RNF180: variants seen among roughly 807,000 people sequenced by gnomAD.
RNF180 encodes the protein E3 ubiquitin-protein ligase RNF180.
Under a neutral mutation model 59.2 loss-of-function variants are expected in RNF180, and 38 were observed. That is an observed-to-expected ratio of 0.64 (90% confidence interval 0.50 to 0.84). RNF180 has a LOEUF of 0.84. RNF180 is among the 40% of genes least tolerant of loss of function. The pLI is 0.00. For missense variants in RNF180, 705 were observed against 700.9 expected, an observed-to-expected ratio of 1.01 and a Z score of -0.07; for synonymous variants, 262 against 240.3, an observed-to-expected ratio of 1.09 and a Z score of -0.84.
At chr5:64,241,344 G>T (rs898055605) in intron 5 of RNF180, among the ~76,000 whole-genome samples, 3 of 152,170 alleles carry the variant, frequency 2.0e-5, no homozygotes, top group African/African-American at 7.2e-5. Context: ...GACATCTGCT[G>T]GGGTCTTCTG....
chr5:64,295,501 A>G (rs1028365177), intron 5 of RNF180, among the ~76,000 whole-genome samples: 1 of 152,168 alleles, frequency 6.6e-6, no homozygotes, highest in Non-Finnish European at 1.5e-5. Flanking sequence ...ATAAGGTTGG[A>G]ACATAATCGT....
In RNF180 at chr5:64,188,729, G is replaced by A. The variant is rs527920548; in HGVS notation, c.1-12079G>A. ...ATATTTGGTGGGTTTTCTTTGTGCC[G>A]TGACTTTATTCTATGCAGGAAGTAT... On this transcript the variant is annotated intron_variant, in intron 1 of 7. Coordinates refer to ENST00000389100, the MANE Select transcript of RNF180 (RefSeq NM_001113561.2). Among the ~76,000 whole-genome samples the A allele has an allele frequency of 9.9e-5, 15 of 152,102 alleles. No individual in the cohort carries two copies. In the East Asian group the frequency reaches 1.6e-3, roughly 16 times the overall value.
intron 5 of RNF180, among the ~76,000 whole-genome samples, chr5:64,277,949 A>G (rs1741815722): frequency 6.6e-6 from 1 of 152,186 alleles, no homozygotes; most frequent in Non-Finnish European, 1.5e-5. Flanking sequence ...ATTTTTATAA[A>G]GAAGAAGAGG....
intron 5 of RNF180, among the ~76,000 whole-genome samples, chr5:64,237,881 G>A (rs770194250): frequency 1.7e-4 from 26 of 151,986 alleles, no homozygotes; most frequent in Non-Finnish European, 3.4e-4. Flanking sequence ...CTGCTGCCAT[G>A]TACAATGTAC....
At chr5:64,263,371 C>T (rs1252585802) in intron 5 of RNF180, among the ~76,000 whole-genome samples, 1 of 152,254 alleles carries the variant, frequency 6.6e-6, no homozygotes, top group Non-Finnish European at 1.5e-5. Flanking sequence ...AATATGAAAT[C>T]ACTGAATGAA....
chr5:64,272,894 G>A (rs1030509350), intron 5 of RNF180, among the ~76,000 whole-genome samples: 3 of 151,882 alleles, frequency 2.0e-5, no homozygotes, highest in Non-Finnish European at 4.4e-5. Context: ...TTGAATTGAG[G>A]TGCCTTTAAG....
At chr5:64,321,101 C>G (rs2112509598) in intron 5 of RNF180, among the ~76,000 whole-genome samples, 1 of 151,978 alleles carries the variant, frequency 6.6e-6, no homozygotes, top group African/African-American at 2.4e-5. Context: ...ATTTGAAAAC[C>G]AGCACAAGAC....
chr5:64,307,343 T>G (rs1486420415), intron 5 of RNF180, among the ~76,000 whole-genome samples: 2 of 151,500 alleles, frequency 1.3e-5, no homozygotes, highest in Non-Finnish European at 3.0e-5. Context: ...CATTTAAAAA[T>G]TAGTGTTAAT....
intron 7 of RNF180, among the ~76,000 whole-genome samples, chr5:64,340,583 T>G (rs1426174022): frequency 6.6e-6 from 1 of 152,174 alleles, no homozygotes; most frequent in Non-Finnish European, 1.5e-5. Flanking sequence ...TGGAGGTAAG[T>G]CAGAGAAAAT....
intron 5 of RNF180, among the ~76,000 whole-genome samples, chr5:64,254,000 T>C (rs1386292798): frequency 1.3e-5 from 2 of 152,148 alleles, no homozygotes; most frequent in African/African-American, 4.8e-5. Flanking sequence ...GTGGACCCTC[T>C]CTTCTCTAAC....
At chr5:64,213,504 C>T in intron 3 of RNF180, 54 bp from the exon 4 acceptor site, 1 of 1,508,044 alleles carries the variant, frequency 6.6e-7, no homozygotes, top group South Asian at 1.4e-5. Context: ...AAAAATTTCT[C>T]TTCAGTTACT....
At position 64,305,747 on chromosome 5, in the gene RNF180, C is replaced by A. The variant is rs191391842; in HGVS notation, c.1228-19439C>A. On this transcript the variant is annotated intron_variant, in intron 5 of 7. Coordinates refer to ENST00000389100, the MANE Select transcript of RNF180 (RefSeq NM_001113561.2). ...CCCCTAAATCTCAGTGGCTTATAAG[C>A]AACAGAGATTTATTTATTTCTCATG... Among the ~76,000 whole-genome samples the A allele has an allele frequency of 2.1e-3, 311 of 151,502 alleles. 2 individuals are homozygous for A. The highest frequency in any genetic ancestry group is 7.1e-3 in the African/African-American group (296 of 41,402).
At chr5:64,211,506 C>G (rs1224130213) in intron 2 of RNF180, among the ~76,000 whole-genome samples, 1 of 152,040 alleles carries the variant, frequency 6.6e-6, no homozygotes, top group Non-Finnish European at 1.5e-5. Flanking sequence ...GGTTATTGAC[C>G]TGCTTCAGGC....
At chr5:64,352,029 C>A (rs1745836498) in intron 7 of RNF180, among the ~76,000 whole-genome samples, 1 of 152,020 alleles carries the variant, frequency 6.6e-6, no homozygotes, top group African/African-American at 2.4e-5. Context: ...TCCATCTCAT[C>A]CTGGACTTTT....
intron 7 of RNF180, among the ~76,000 whole-genome samples, chr5:64,343,165 C>G (rs772086853): frequency 1.3e-5 from 2 of 152,040 alleles, no homozygotes; most frequent in Non-Finnish European, 2.9e-5. Context: ...AACACATCTC[C>G]TCTTTGATCT....
intron 5 of RNF180, among the ~76,000 whole-genome samples, chr5:64,311,085 G>T (rs962387719): frequency 6.6e-6 from 1 of 151,812 alleles, no homozygotes; most frequent in African/African-American, 2.4e-5. Context: ...GGGCACAGTG[G>T]CTTACTATAA....
intron 1 of RNF180, among the ~76,000 whole-genome samples, chr5:64,197,529 T>G (rs183077776): frequency 6.6e-6 from 1 of 152,174 alleles, no homozygotes; most frequent in Non-Finnish European, 1.5e-5. Flanking sequence ...ATACTAGGAG[T>G]CCTTTTATTC....
chr5:64,367,864 T>A (rs1362923585), intron 7 of RNF180, among the ~76,000 whole-genome samples: 7 of 151,658 alleles, frequency 4.6e-5, no homozygotes, highest in African/African-American at 1.5e-4. Flanking sequence ...AACACAGAAA[T>A]ACTTAAAGTA....
chr5:64,283,548 A>G (rs554734284), intron 5 of RNF180, among the ~76,000 whole-genome samples: 64 of 152,280 alleles, frequency 4.2e-4, no homozygotes, highest in Non-Finnish European at 7.4e-4. Context: ...TGTCAAGGGC[A>G]GGACCAGGTG....
Sources: gnomAD v4.1 joint callset for allele counts (sites outside exome capture counted in the v4.1 genomes callset) on GRCh38, gnomAD v4.1.1 for gene constraint, MANE v1.5 for transcripts, NCBI Gene and HGNC (gene_info 2026-07-23, HGNC 2026-07-21) for gene names.